The following DCC variants were observed in gnomAD, a reference collection of about 807,000 sequenced individuals.
DCC encodes the protein DCC netrin 1 receptor, also known as netrin receptor DCC.
DCC carries 58 observed loss-of-function variants against 172.5 expected under a neutral mutation model. The observed-to-expected ratio is 0.34, with a 90% CI of 0.27 to 0.42. The LOEUF is 0.42. Among genes scored for constraint, DCC ranks in the 10% least tolerant of loss-of-function variants. The pLI is 1.00. For synonymous variants in DCC, 709 were observed against 644.5 expected (o/e 1.10, Z -1.52); for missense variants, 1,740 against 1,791.0 (o/e 0.97, Z 0.51).
intron 15 of DCC, among the ~76,000 whole-genome samples, chr18:53,350,497 G>A (rs1294215572): frequency 6.6e-6 from 1 of 152,000 alleles, no homozygotes; most frequent in South Asian, 2.1e-4. Flanking sequence ...AAAAACATAA[G>A]CTAAGCATAC....
chr18:53,290,496 C>T (rs1403364186), intron 12 of DCC, among the ~76,000 whole-genome samples: 1 of 151,950 alleles, frequency 6.6e-6, no homozygotes, highest in African/African-American at 2.4e-5. Flanking sequence ...TTGTAATGTC[C>T]CATGTAATTA....
At chr18:53,213,552 G>A (rs1450043984) in intron 11 of DCC, among the ~76,000 whole-genome samples, 2 of 149,896 alleles carry the variant, frequency 1.3e-5, no homozygotes, top group Admixed American at 6.7e-5. Context: ...GGAGGCTGAG[G>A]CAGGAGAATG....
chr18:52,768,016 A>G (rs1304316147), intron 2 of DCC, among the ~76,000 whole-genome samples: 4 of 152,352 alleles, frequency 2.6e-5, no homozygotes, highest in East Asian at 3.9e-4. Context: ...ATAGCACCAC[A>G]GTTTGGAGGA....
intron 5 of DCC, among the ~76,000 whole-genome samples, chr18:52,943,746 T>TG (rs58507388): frequency 0.67 from 101,557 of 151,820 alleles, 34,311 homozygotes; most frequent in Middle Eastern, 0.73. Context: ...TGGTTTTTTT[T>TG]TTTGTTTGTT....
At chr18:52,813,244 A>AAAGACAGAGTTGTCTAGACTTAACATTT (rs138749433) in intron 2 of DCC, among the ~76,000 whole-genome samples, 1 of 151,984 alleles carries the variant, frequency 6.6e-6, no homozygotes, top group Non-Finnish European at 1.5e-5. Flanking sequence ...GTAGTTCACT[A>AAAGACAGAGTTGTCTAGACTTAACATTT]AATGCCACAT....
chr18:52,603,825 A>G (rs1025058149), intron 1 of DCC, among the ~76,000 whole-genome samples: 2 of 152,098 alleles, frequency 1.3e-5, no homozygotes, highest in African/African-American at 2.4e-5. Flanking sequence ...ATTAAAGAGC[A>G]TATGCTTTTC....
At chr18:53,484,183 A>G (rs1027638292) in intron 25 of DCC, among the ~76,000 whole-genome samples, 8 of 151,514 alleles carry the variant, frequency 5.3e-5, no homozygotes, top group African/African-American at 1.9e-4. Context: ...TTTTCCTTCA[A>G]TTATGCTCTA....
chr18:52,882,006 A>T (rs1178632561), intron 2 of DCC, among the ~76,000 whole-genome samples: 1 of 151,872 alleles, frequency 6.6e-6, no homozygotes, highest in Non-Finnish European at 1.5e-5. Context: ...TCATTTTGAG[A>T]TCTTTCACTT....
chr18:53,153,738 AAGTAGGAGTT>A (rs1258131233), intron 7 of DCC, among the ~76,000 whole-genome samples: 3 of 152,166 alleles, frequency 2.0e-5, no homozygotes, highest in African/African-American at 7.2e-5. Context: ...CCAAGAGGGA[AAGTAGGAGTT>A]ATACAGATGA....
intron 13 of DCC, among the ~76,000 whole-genome samples, chr18:53,320,992 G>T (rs1456102706): frequency 6.6e-6 from 1 of 152,108 alleles, no homozygotes; most frequent in Non-Finnish European, 1.5e-5. Flanking sequence ...GCAACTGTTT[G>T]TTCCTTGACA....
At chr18:52,932,872 T>C (rs2040328612) in intron 5 of DCC, among the ~76,000 whole-genome samples, 1 of 152,110 alleles carries the variant, frequency 6.6e-6, no homozygotes, top group Non-Finnish European at 1.5e-5. Context: ...TTTAAACTTA[T>C]TATTTTCTTT....
chr18:52,830,086 A>G (rs1051872128), intron 2 of DCC, among the ~76,000 whole-genome samples: 1 of 152,156 alleles, frequency 6.6e-6, no homozygotes, highest in Non-Finnish European at 1.5e-5. Flanking sequence ...GTGTCTGAGA[A>G]ATAACAAATA....
At chr18:53,014,403 G>C in intron 5 of DCC, among the ~76,000 whole-genome samples, 1 of 148,794 alleles carries the variant, frequency 6.7e-6, no homozygotes. Context: ...TTTAACATTA[G>C]GTATATCTCC....
chr18:52,963,390 C>T (rs141524854), intron 5 of DCC, among the ~76,000 whole-genome samples: 2,308 of 151,708 alleles, frequency 0.015, 24 homozygotes, highest in Non-Finnish European at 0.025. Context: ...TATACCTTAC[C>T]AAGTGAGCAC....
At chr18:52,532,067 C>T (rs931570239) in intron 1 of DCC, among the ~76,000 whole-genome samples, 2 of 152,172 alleles carry the variant, frequency 1.3e-5, no homozygotes, top group Non-Finnish European at 2.9e-5. Flanking sequence ...CTTAGCTCCC[C>T]TCACAGCCAT....
At chr18:53,186,099 T>C (rs1313334049) in intron 9 of DCC, among the ~76,000 whole-genome samples, 3 of 152,232 alleles carry the variant, frequency 2.0e-5, no homozygotes, top group African/African-American at 7.2e-5. Context: ...TCTTATTTTC[T>C]CTTTTCTTTT....
At chr18:52,518,983 C>A (rs976224687) in intron 1 of DCC, among the ~76,000 whole-genome samples, 1 of 152,210 alleles carries the variant, frequency 6.6e-6, no homozygotes, top group African/African-American at 2.4e-5. Context: ...TAACCATGTC[C>A]TCTGAGTTGA....
chr18:53,250,166 G>A (rs1259632556), intron 12 of DCC, among the ~76,000 whole-genome samples: 1 of 151,760 alleles, frequency 6.6e-6, no homozygotes, highest in East Asian at 1.9e-4. Context: ...TCAAGAAGTA[G>A]CTTTAAGACA....
At position 52,385,797 on chromosome 18, in the gene DCC, T is replaced by TA. The variant is rs542510194; in HGVS notation, c.91+44925dup. Among the ~76,000 whole-genome samples, 32 of 152,240 alleles carry TA rather than the reference T, an allele frequency of 2.1e-4. No individual in the cohort carries two copies. The South Asian group carries it at 6.6e-3, about 32-fold the overall frequency. On this transcript the variant is annotated intron_variant, in intron 1 of 28. Transcript: ENST00000442544. Reference sequence around the variant, plus strand: ...AATTCCAGTCATCTGTAAGGTTTTTTAAAAAATATTTAATTATTGTTGTGT... The same window carrying TA: ...AATTCCAGTCATCTGTAAGGTTTTTTAAAAAAATATTTAATTATTGTTGTGT...
Sources: gnomAD v4.1 joint callset for allele counts (sites outside exome capture counted in the v4.1 genomes callset) on GRCh38, gnomAD v4.1.1 for gene constraint, MANE v1.5 for transcripts, NCBI Gene and HGNC (gene_info 2026-07-23, HGNC 2026-07-21) for gene names.